Variants in PDZRN4 observed in about 807,000 individuals in gnomAD.
The protein encoded by PDZRN4 is PDZ domain containing ring finger 4.
A neutral mutation model predicts 99.0 loss-of-function variants in PDZRN4; 70 were observed. The observed-to-expected ratio is 0.71, with a 90% CI of 0.58 to 0.86. The LOEUF (loss-of-function observed/expected upper bound fraction) is 0.86. Ranked by LOEUF, PDZRN4 falls within the 40% of genes least tolerant of loss-of-function variation. The pLI is 0.00. For missense variants in PDZRN4, 1,474 were observed against 1,331.2 expected (o/e 1.11, Z -1.67); for synonymous variants, 551 against 501.6 (o/e 1.10, Z -1.32).
chr12:41,206,999 A>G (rs1431493767), intron 3 of PDZRN4, among the ~76,000 whole-genome samples: 1 of 151,964 alleles, frequency 6.6e-6, no homozygotes, highest in Non-Finnish European at 1.5e-5. Flanking sequence ...CAAAACTGAT[A>G]CTTTTGGCCT....
intron 3 of PDZRN4, among the ~76,000 whole-genome samples, chr12:41,420,948 C>T (rs984492400): frequency 1.3e-5 from 2 of 152,076 alleles, no homozygotes; most frequent in Admixed American, 6.6e-5. Context: ...ATTCACGGTA[C>T]GTCTTCCTCC....
At position 41,196,041 on chromosome 12, in the gene PDZRN4, A is replaced by G. The variant is rs533339729; in HGVS notation, c.843+1853A>G. ...ATATTATGTATGCTTCATTAATGTT[A>G]CATTAGAAAAGAAAAAGAATTTTTT... On this transcript the variant is annotated intron_variant, in intron 3 of 9. Coordinates refer to ENST00000402685, the MANE Select transcript of PDZRN4 (RefSeq NM_001164595.2). Among the ~76,000 whole-genome samples the G allele has an allele frequency of 2.8e-4, 43 of 151,852 alleles. 1 individual carries two copies. The highest frequency in any genetic ancestry group is 2.5e-3 in the Admixed American group (38 of 15,290).
At chr12:41,211,304 G>A (rs1950886925) in intron 3 of PDZRN4, among the ~76,000 whole-genome samples, 1 of 151,856 alleles carries the variant, frequency 6.6e-6, no homozygotes, top group African/African-American at 2.4e-5. Context: ...CCCAGTCCTG[G>A]GATTGTTCTT....
chr12:41,378,714 G>T (rs1002661123), intron 3 of PDZRN4, among the ~76,000 whole-genome samples: 3 of 151,814 alleles, frequency 2.0e-5, no homozygotes, highest in Non-Finnish European at 2.9e-5. Context: ...GTAGAGATGG[G>T]GTTTCACCAC....
intron 4 of PDZRN4, 64 bp downstream of exon 4, chr12:41,506,776 G>T: frequency 6.5e-7 from 1 of 1,527,556 alleles, no homozygotes; most frequent in Non-Finnish European, 8.8e-7. Context: ...AGCAGATGTT[G>T]AAAAGAAGCA....
intron 5 of PDZRN4, among the ~76,000 whole-genome samples, chr12:41,522,050 G>T (rs1938501425): frequency 6.6e-6 from 1 of 152,078 alleles, no homozygotes; most frequent in African/African-American, 2.4e-5. Context: ...AATCCTTAAA[G>T]AATTTTTCCT....
intron 3 of PDZRN4, among the ~76,000 whole-genome samples, chr12:41,401,190 A>G (rs1162911320): frequency 6.6e-6 from 1 of 152,142 alleles, no homozygotes; most frequent in East Asian, 1.9e-4. Flanking sequence ...AGTTAAAAAT[A>G]CCCACGAAGA....
At position 41,349,121 on chromosome 12, in the gene PDZRN4, T is replaced by A. The variant is rs148955698; in HGVS notation, c.843+154933T>A. On this transcript the variant is annotated intron_variant, in intron 3 of 9. Coordinates refer to ENST00000402685, the MANE Select transcript of PDZRN4 (RefSeq NM_001164595.2). ...TTGACACAATTTTTTACACAATTAC[T>A]ATCAATAGGGATCACCTATATTAAC... Among the ~76,000 whole-genome samples, 17 of 152,120 alleles carry A rather than the reference T, an allele frequency of 1.1e-4. No individual in the cohort carries two copies. In the East Asian group the frequency reaches 2.5e-3, roughly 22 times the overall value.
chr12:41,484,419 T>G (rs1026490807), intron 3 of PDZRN4, among the ~76,000 whole-genome samples: 7 of 152,206 alleles, frequency 4.6e-5, no homozygotes, highest in African/African-American at 1.7e-4. Context: ...AGAGTTTTTG[T>G]TCAAATCCTG....
intron 3 of PDZRN4, among the ~76,000 whole-genome samples, chr12:41,295,079 G>C (rs1951482639): frequency 6.6e-6 from 1 of 152,058 alleles, no homozygotes; most frequent in Non-Finnish European, 1.5e-5. Flanking sequence ...TTCAAATTTT[G>C]AGAGGTAATG....
intron 3 of PDZRN4, among the ~76,000 whole-genome samples, chr12:41,206,316 T>C (rs1456910818): frequency 6.6e-6 from 1 of 151,854 alleles, no homozygotes; most frequent in East Asian, 1.9e-4. Flanking sequence ...TGTCTTAGAG[T>C]TTCCATTAGT....
intron 3 of PDZRN4, among the ~76,000 whole-genome samples, chr12:41,454,523 G>A (rs906437064): frequency 1.3e-5 from 2 of 152,214 alleles, no homozygotes; most frequent in Admixed American, 6.5e-5. Context: ...ATTCCCTTGC[G>A]GGAGATTGAA....
intron 5 of PDZRN4, among the ~76,000 whole-genome samples, chr12:41,538,831 A>T (rs930844800): frequency 3.3e-5 from 5 of 152,132 alleles, no homozygotes; most frequent in Non-Finnish European, 7.4e-5. Context: ...ACAGCTATGC[A>T]CCAGTCACTG....
chr12:41,463,887 T>C (rs1004706354), intron 3 of PDZRN4, among the ~76,000 whole-genome samples: 5 of 152,184 alleles, frequency 3.3e-5, no homozygotes, highest in Admixed American at 1.3e-4. Flanking sequence ...CTCAATGAGA[T>C]ATGGATTAGC....
At chr12:41,472,750 C>T (rs1022073550) in intron 3 of PDZRN4, among the ~76,000 whole-genome samples, 8 of 152,098 alleles carry the variant, frequency 5.3e-5, no homozygotes, top group African/African-American at 1.9e-4. Context: ...GGTAGTAATA[C>T]CATTTCCACT....
chr12:41,348,764 T>A (rs766522741), intron 3 of PDZRN4, among the ~76,000 whole-genome samples: 1 of 151,988 alleles, frequency 6.6e-6, no homozygotes, highest in African/African-American at 2.4e-5. Flanking sequence ...CATTTTTATA[T>A]ACAAGAATGA....
At chr12:41,234,636 A>C (rs1031385012) in intron 3 of PDZRN4, among the ~76,000 whole-genome samples, 3 of 152,144 alleles carry the variant, frequency 2.0e-5, no homozygotes, top group South Asian at 2.1e-4. Context: ...CTAAATGTAC[A>C]TATTAGTCAT....
At chr12:41,389,686 C>T (rs190151089) in intron 3 of PDZRN4, among the ~76,000 whole-genome samples, 1 of 152,326 alleles carries the variant, frequency 6.6e-6, no homozygotes, top group East Asian at 1.9e-4. Flanking sequence ...TCTGTAGCAT[C>T]ATGTGGCCCC....
At chr12:41,493,310 T>C (rs1476534384) in intron 3 of PDZRN4, among the ~76,000 whole-genome samples, 1 of 152,190 alleles carries the variant, frequency 6.6e-6, no homozygotes, top group East Asian at 1.9e-4. Flanking sequence ...GATTGTTTTA[T>C]CTGCTGAAAA....
Sources: allele counts gnomAD v4.1 joint callset (sites outside exome capture counted in the v4.1 genomes callset), GRCh38; gene constraint gnomAD v4.1.1; transcripts MANE v1.5; gene names NCBI Gene and HGNC (gene_info 2026-07-23, HGNC 2026-07-21).